The following MBNL3 variants were observed in gnomAD, a reference collection of about 807,000 sequenced individuals.
MBNL3 encodes the protein muscleblind like splicing regulator 3.
A neutral mutation model predicts 24.5 loss-of-function variants in MBNL3; 6 were observed. The observed-to-expected ratio is 0.25, with a 90% CI of 0.13 to 0.48. The LOEUF (loss-of-function observed/expected upper bound fraction) is 0.48. Among genes scored for constraint, MBNL3 ranks in the 20% least tolerant of loss-of-function variants. The probability of loss-of-function intolerance (pLI) is 0.99; values close to 1 mark genes in which losing one functional copy is unlikely to be tolerated. For synonymous variants in MBNL3, 100 were observed against 101.7 expected, an observed-to-expected ratio of 0.98 and a Z score of 0.10; for missense variants, 230 against 293.5, an observed-to-expected ratio of 0.78 and a Z score of 1.58.
intron 1 of MBNL3, among the ~76,000 whole-genome samples, chrX:132,452,238 T>G (rs1245862205): frequency 8.9e-6 from 1 of 112,253 alleles, no homozygotes; most frequent in African/African-American, 3.2e-5. Context: ...ATTAAGTGCT[T>G]GCGTATGTGC....
chrX:132,452,095 T>G (rs1167996320), intron 1 of MBNL3, among the ~76,000 whole-genome samples: 2 of 111,305 alleles, frequency 1.8e-5, no homozygotes, highest in Non-Finnish European at 3.8e-5. Flanking sequence ...GGAGCTGCAG[T>G]CCAAAGCTGT....
intron 3 of MBNL3, among the ~76,000 whole-genome samples, chrX:132,400,018 C>T (rs1490001644): frequency 9.1e-6 from 1 of 110,136 alleles, no homozygotes; most frequent in Non-Finnish European, 1.9e-5. Context: ...GAGGAGGTTA[C>T]ATGTAATTTA....
chrX:132,487,631 TG>T (rs1447896923), intron 1 of MBNL3, among the ~76,000 whole-genome samples: 2 of 112,813 alleles, frequency 1.8e-5, no homozygotes, highest in African/African-American at 3.2e-5. Flanking sequence ...AGCTGAGCTG[TG>T]GGCAGAAGCC....
At chrX:132,410,389 C>A (rs1942554982) in intron 2 of MBNL3, among the ~76,000 whole-genome samples, 1 of 111,232 alleles carries the variant, frequency 9.0e-6, no homozygotes, top group Non-Finnish European at 1.9e-5. Flanking sequence ...AGAAAAGGAA[C>A]CTGGGAGGCT....
intron 1 of MBNL3, among the ~76,000 whole-genome samples, chrX:132,454,262 CAT>C (rs1397569801): frequency 5.4e-5 from 6 of 111,215 alleles, no homozygotes; most frequent in Non-Finnish European, 7.6e-5. Flanking sequence ...CACACACACA[CAT>C]ATCAAAAGCT....
At position 132,489,011 on chromosome X, in the gene MBNL3, T is replaced by C. The variant is rs1419707702; in HGVS notation, c.-864A>G. On this transcript the variant is annotated 5_prime_UTR_variant, in exon 1 of 9. Transcript: ENST00000370853. ...GTGCCGGGAGAGCCTTTAGCAGGGG[T>C]GCATACTGAATGCCGCCATTTTAAA... 8.8e-6 allele frequency: 1 copy of C among 113,206 alleles called. No individual in the cohort carries two copies. Among genetic ancestry groups the C allele is most frequent in the Non-Finnish European group, 1.9e-5 (1 of 53,395 alleles). 9.3% of individuals were successfully genotyped at this position (113,206 alleles called of 1,213,427 possible).
At chrX:132,477,695 A>C (rs1457361452) in intron 1 of MBNL3, among the ~76,000 whole-genome samples, 2 of 111,470 alleles carry the variant, frequency 1.8e-5, no homozygotes, top group African/African-American at 6.5e-5. Context: ...GACTTCTCCT[A>C]ATGGGTTGCA....
chrX:132,434,754 G>C (rs1945020500), intron 2 of MBNL3, among the ~76,000 whole-genome samples: 2 of 111,863 alleles, frequency 1.8e-5, no homozygotes, highest in Admixed American at 1.9e-4. Flanking sequence ...AGGAAAGACT[G>C]GGAAAGTGTC....
At chrX:132,448,942 G>A (rs1232622673) in intron 1 of MBNL3, among the ~76,000 whole-genome samples, 1 of 111,954 alleles carries the variant, frequency 8.9e-6, no homozygotes, top group African/African-American at 3.3e-5. Context: ...CCATGTAGTT[G>A]TGCAGTTTTG....
Position 132,469,679 on chromosome X carries a change from A to G in MBNL3, c.-704+19172T>C, listed in dbSNP as rs763822270. ...GAATAATATAACATATATCATATCT[A>G]AGTCAGTACAATTCTTAATAACAGC... On this transcript the variant is annotated intron_variant, in intron 1 of 8. Transcript: ENST00000370853. 8.6e-4 allele frequency among the ~76,000 whole-genome samples: 97 copies of G among 112,530 alleles called. 1 individual carries two copies. Among genetic ancestry groups the G allele is most frequent in the African/African-American group, 2.8e-3 (87 of 31,011 alleles).
chrX:132,423,313 T>C (rs961200222), intron 2 of MBNL3, among the ~76,000 whole-genome samples: 2 of 111,697 alleles, frequency 1.8e-5, no homozygotes, highest in African/African-American at 6.5e-5. Context: ...CTAAATGTTT[T>C]CTGTGTACCC....
intron 3 of MBNL3, among the ~76,000 whole-genome samples, chrX:132,398,805 A>T (rs1424834366): frequency 9.0e-6 from 1 of 111,095 alleles, no homozygotes; most frequent in Non-Finnish European, 1.9e-5. Flanking sequence ...CACAACCACC[A>T]CCACCACCAC....
intron 1 of MBNL3, among the ~76,000 whole-genome samples, chrX:132,448,028 G>C (rs1945830691): frequency 8.9e-6 from 1 of 112,273 alleles, no homozygotes; most frequent in African/African-American, 3.2e-5. Context: ...TTTGTCATTG[G>C]TTCTGTTTAT....
At chrX:132,406,781 A>G (rs750307939) in intron 2 of MBNL3, among the ~76,000 whole-genome samples, 9 of 112,228 alleles carry the variant, frequency 8.0e-5, no homozygotes, top group African/African-American at 2.6e-4. Context: ...ATGGTTTACT[A>G]TGTAGCAGCA....
At chrX:132,393,880 A>T (rs1371705763) in intron 3 of MBNL3, among the ~76,000 whole-genome samples, 1 of 111,674 alleles carries the variant, frequency 9.0e-6, no homozygotes, top group African/African-American at 3.3e-5. Flanking sequence ...ATTGTGGAAT[A>T]TAAAGTGAAG....
intron 2 of MBNL3, among the ~76,000 whole-genome samples, chrX:132,426,322 T>G (rs1206772038): frequency 8.9e-6 from 1 of 111,998 alleles, no homozygotes. Flanking sequence ...GAGGGAAATA[T>G]CCACTGCTTT....
intron 1 of MBNL3, among the ~76,000 whole-genome samples, chrX:132,460,917 G>A (rs1423273271): frequency 2.7e-5 from 3 of 110,605 alleles, no homozygotes; most frequent in Non-Finnish European, 3.8e-5. Context: ...ATGTCTTTGC[G>A]TCCTCATAGC....
intron 2 of MBNL3, among the ~76,000 whole-genome samples, chrX:132,420,617 T>G (rs1397216870): frequency 1.8e-5 from 2 of 111,136 alleles, no homozygotes; most frequent in African/African-American, 6.6e-5. Context: ...TAGTGAGCTC[T>G]CTTTACTACC....
chrX:132,478,970 C>T (rs1947584669), intron 1 of MBNL3, among the ~76,000 whole-genome samples: 1 of 112,297 alleles, frequency 8.9e-6, no homozygotes, highest in South Asian at 3.7e-4. Context: ...AATGTCCGGG[C>T]CCGGCACGGT....
Sources: gnomAD v4.1 joint callset for allele counts (sites outside exome capture counted in the v4.1 genomes callset) on GRCh38, gnomAD v4.1.1 for gene constraint, MANE v1.5 for transcripts, NCBI Gene and HGNC (gene_info 2026-07-23, HGNC 2026-07-21) for gene names.